CCT4: variants seen among roughly 807,000 people sequenced by gnomAD.
CCT4 encodes the protein T-complex protein 1 subunit delta.
In CCT4, 17 loss-of-function variants were observed where a neutral mutation model predicts 62.5. The ratio of observed to expected loss-of-function variants is 0.27; its 90% CI spans 0.19 to 0.41. CCT4 has a LOEUF of 0.41. CCT4 is among the 10% of genes least tolerant of loss of function. The pLI, the probability that CCT4 is intolerant of heterozygous loss-of-function variation, is 1.00. For synonymous variants in CCT4, 250 were observed against 229.9 expected (o/e 1.09, Z -0.79); for missense variants, 592 against 659.2 (o/e 0.90, Z 1.12).
intron 2 of CCT4, among the ~76,000 whole-genome samples, chr2:61,884,059 C>T (rs1473805381): frequency 6.6e-6 from 1 of 151,294 alleles, no homozygotes; most frequent in Non-Finnish European, 1.5e-5. Flanking sequence ...CCAGATGATC[C>T]TCCATATTGT....
chr2:61,869,892 A>G (rs1245937215), intron 12 of CCT4, among the ~76,000 whole-genome samples: 1 of 148,258 alleles, frequency 6.7e-6, no homozygotes, highest in Non-Finnish European at 1.5e-5. Context: ...TTGGCCTCCC[A>G]AAGTGCTGGG....
chr2:61,876,857 A>C lies in CCT4; in HGVS notation c.777+63T>G, dbSNP rs1572919318. ...TAGTAGTATTTTCTATTTTTAATAAAGAAATGCCTGAGTTATTAAAAAGTT... is the reference window on the plus strand; with the variant it reads ...TAGTAGTATTTTCTATTTTTAATAACGAAATGCCTGAGTTATTAAAAAGTT... On this transcript the variant is annotated intron_variant, in intron 7 of 13. Coordinates refer to ENST00000394440, the MANE Select transcript of CCT4 (RefSeq NM_006430.4). The C allele has an allele frequency of 4.4e-6, 6 of 1,375,300 alleles. No individual in the cohort carries two copies. In the East Asian group the frequency reaches 1.4e-4, roughly 33 times the overall value. 85.2% of individuals were successfully genotyped at this position (1,375,300 alleles called of 1,614,324 possible).
intron 8 of CCT4, 49 bp from the exon 9 acceptor site, chr2:61,873,342 T>G: frequency 1.0e-6 from 1 of 999,434 alleles, no homozygotes; most frequent in Non-Finnish European, 1.5e-6. Context: ...AAAAAAATTT[T>G]GCTCTTCAAA....
At position 61,873,072 on chromosome 2, in the gene CCT4, G is replaced by A; in HGVS notation, c.1055C>T (p.Thr352Ile). The change falls in exon 10 of 14, where the codon ACT becomes ATT. Residue 352 changes from threonine (T) to isoleucine (I), a missense_variant. By Grantham distance (89) the Thr-to-Ile change is moderately conservative. Transcript: ENST00000394440. The part of the protein sequence containing the change: ...TKPVAHIDQF[T>I]ADMLGSAELA... The stretch of plus-strand genomic sequence containing the variant: ...CTCAGCAGAACCCAGCATGTCAGCA[G>A]TAAATTGGTCAATATGAGCAACTGG... The A allele has an allele frequency of 6.2e-7, 1 of 1,613,304 alleles. No individual in the cohort carries two copies. Among genetic ancestry groups the A allele is most frequent in the Non-Finnish European group, 8.5e-7 (1 of 1,179,210 alleles).
intron 1 of CCT4, among the ~76,000 whole-genome samples, chr2:61,887,584 C>T (rs1417568639): frequency 6.6e-6 from 1 of 152,160 alleles, no homozygotes; most frequent in Admixed American, 6.6e-5. Context: ...CTGACTTTTC[C>T]TTCCAGATTT....
At chr2:61,875,582 CA>C (rs35222263) in intron 8 of CCT4, among the ~76,000 whole-genome samples, 62,674 of 110,430 alleles carry the variant, frequency 0.57, 15,489 homozygotes, top group East Asian at 0.81. Context: ...GACTCTGTCT[CA>C]AAAAAAAAAA....
intron 2 of CCT4, among the ~76,000 whole-genome samples, chr2:61,883,840 C>G (rs1208762083): frequency 6.6e-6 from 1 of 151,184 alleles, no homozygotes. Context: ...TATAAAGAAG[C>G]ACTTGCTATC....
Position 61,872,103 on chromosome 2 carries a change from A to T in CCT4, c.1470T>A (p.Thr490=). 1 of 1,612,158 alleles carries T rather than the reference A, an allele frequency of 6.2e-7. No individual in the cohort carries two copies. The change falls in exon 12 of 14, where the codon ACT becomes ACA. Residue 490 remains threonine (T), a synonymous_variant. Transcript: ENST00000394440. ...LRNRHAQGEK[T]AGINVRKGGI... ...TTACCTTTCGGACATTAATGCCTGCAGTTTTTTCTCCCTGGGCATGCCGGT... is the reference window on the plus strand; with the variant it reads ...TTACCTTTCGGACATTAATGCCTGCTGTTTTTTCTCCCTGGGCATGCCGGT...
chr2:61,877,249 C>T lies in CCT4; in HGVS notation c.644+144G>A. Reference sequence around the variant, plus strand: ...TAACATAAACAAAATCTCCAGATGCCCATACTAATACAAATTCTCACGAAA... The same window carrying T: ...TAACATAAACAAAATCTCCAGATGCTCATACTAATACAAATTCTCACGAAA... On this transcript the variant is annotated intron_variant, in intron 6 of 13. Transcript: ENST00000394440. 4 of 912,074 alleles carry T rather than the reference C, an allele frequency of 4.4e-6. No individual in the cohort carries two copies. In the South Asian group the frequency reaches 6.9e-5, roughly 16 times the overall value. 56.5% of individuals were successfully genotyped at this position (912,074 alleles called of 1,614,324 possible).
Position 61,888,599 on chromosome 2 carries a change from C to T in CCT4, c.-92G>A. 7.1e-7 allele frequency: 1 copy of T among 1,400,768 alleles called. No homozygotes were observed. The highest frequency in any genetic ancestry group is 2.5e-5 in the East Asian group (1 of 39,838). 86.8% of individuals were successfully genotyped at this position (1,400,768 alleles called of 1,614,324 possible). ...GTGTAATAACGGTAAGCCCTCACTG[C>T]CTTCACGAACCTTCCAGAAAGCGGC... On this transcript the variant is annotated 5_prime_UTR_variant, in exon 1 of 14. Coordinates refer to ENST00000394440, the MANE Select transcript of CCT4 (RefSeq NM_006430.4).
intron 4 of CCT4, among the ~76,000 whole-genome samples, chr2:61,879,542 T>C (rs1469832195): frequency 6.6e-6 from 1 of 150,716 alleles, no homozygotes; most frequent in East Asian, 2.0e-4. Flanking sequence ...CCTCCCAAAG[T>C]GCTGGGATTA....
At chr2:61,885,200 C>T in intron 1 of CCT4, 128 bp from the exon 2 acceptor site, 1 of 571,350 alleles carries the variant, frequency 1.8e-6, no homozygotes, top group Admixed American at 4.2e-5. Context: ...CCTCAGCCTC[C>T]CAGAATAGCT....
intron 3 of CCT4, among the ~76,000 whole-genome samples, chr2:61,883,008 T>C (rs1046593204): frequency 6.6e-6 from 1 of 152,184 alleles, no homozygotes; most frequent in East Asian, 1.9e-4. Flanking sequence ...AAAAGCACAA[T>C]GTTAGGCACA....
intron 13 of CCT4, 187 bp from the exon 14 acceptor site, chr2:61,868,893 T>C (rs537293735): frequency 5.6e-6 from 3 of 537,370 alleles, no homozygotes; most frequent in Admixed American, 5.9e-5. Flanking sequence ...TCCCAGCACT[T>C]TGGGAGGCTG....
At chr2:61,873,388 C>T (rs1402010676) in intron 8 of CCT4, 95 bp from the exon 9 acceptor site, 3 of 619,112 alleles carry the variant, frequency 4.8e-6, no homozygotes, top group Non-Finnish European at 5.8e-6. Context: ...TCTTAAATGG[C>T]CAATCATTAT....
rs76248080 is a variant in CCT4, at chr2:61,873,245, G to C, written c.966C>G (p.Ile322Met). 1 of 1,532,042 alleles carries C rather than the reference G, an allele frequency of 6.5e-7. No homozygotes were observed. The highest frequency in any genetic ancestry group is 9.0e-7 in the Non-Finnish European group (1 of 1,106,000). 94.9% of individuals were successfully genotyped at this position (1,532,042 alleles called of 1,614,324 possible). A position where few individuals can be genotyped will look rare whatever the true frequency, so the allele number is the denominator to read the frequency against. ...CTCTTTCAATATCCTTAATCACCAT[G>C]ATCTTCATTTTATTCAGAAAGTGTA... The part of the protein sequence containing the change: ...LALHFLNKMK[I>M]MVIKDIERED... Residue 322 changes from isoleucine (I) to methionine (M), a missense_variant, in exon 9 of 14, where the codon ATC becomes ATG. Physicochemically the swap from Ile to Met is conservative, Grantham distance 10. This residue lies in a region of CCT4 where 522 missense variants were observed against 571.2 expected (regional missense o/e 0.91). Coordinates refer to ENST00000394440, the MANE Select transcript of CCT4 (RefSeq NM_006430.4).
At chr2:61,875,870 AT>A (rs1465536844) in intron 8 of CCT4, among the ~76,000 whole-genome samples, 2 of 152,108 alleles carry the variant, frequency 1.3e-5, no homozygotes, top group African/African-American at 4.8e-5. Flanking sequence ...AACTTATACC[AT>A]TTTTTCCCTT....
At chr2:61,882,003 G>A (rs187956576) in intron 3 of CCT4, among the ~76,000 whole-genome samples, 1 of 150,514 alleles carries the variant, frequency 6.6e-6, no homozygotes, top group East Asian at 2.0e-4. Context: ...GGGCAATCTC[G>A]GCTCACTGCA....
Position 61,868,467 on chromosome 2 carries a change from T to C in CCT4, c.*225A>G, listed in dbSNP as rs1668820598. On this transcript the variant is annotated 3_prime_UTR_variant, in exon 14 of 14. Coordinates refer to ENST00000394440, the MANE Select transcript of CCT4 (RefSeq NM_006430.4). ...TTAGTTTTTATTAGTTTTTCAAAAG[T>C]ATCAGAAATAACAGAATGTTGGGAG... 2 of 489,556 alleles carry C rather than the reference T, an allele frequency of 4.1e-6. No homozygotes were observed. The highest frequency in any genetic ancestry group is 3.8e-5 in the African/African-American group (2 of 51,962). The allele number at this position is 489,556 out of a possible 1,614,324, so 30.3% of individuals were successfully genotyped here.
Sources: allele counts gnomAD v4.1 joint callset (sites outside exome capture counted in the v4.1 genomes callset), GRCh38; gene constraint gnomAD v4.1.1; regional missense constraint gnomAD v4.1.1; transcripts MANE v1.5; gene names NCBI Gene and HGNC (gene_info 2026-07-23, HGNC 2026-07-21).